The following SUN2 variants were observed in gnomAD, a reference collection of about 807,000 sequenced individuals.
SUN2 encodes the protein SUN domain-containing protein 2.
Under a neutral mutation model 100.0 loss-of-function variants are expected in SUN2, and 60 were observed. That is an observed-to-expected ratio of 0.60 (90% CI 0.49 to 0.74). The LOEUF (loss-of-function observed/expected upper bound fraction) is 0.74, where lower values mean the gene tolerates loss of function less well. Among genes scored for constraint, SUN2 ranks in the 30% least tolerant of loss-of-function variants. SUN2 has a pLI of 0.00. For synonymous variants in SUN2, 367 were observed against 403.3 expected (o/e 0.91, Z 1.08); for missense variants, 834 against 954.6 (o/e 0.87, Z 1.66).
intron 1 of SUN2, 76 bp from the exon 2 acceptor site, chr22:38,752,741 G>T: frequency 6.8e-7 from 1 of 1,476,750 alleles, no homozygotes; most frequent in East Asian, 2.4e-5. Flanking sequence ...AGGTGGGACA[G>T]AGGCATCGCC....
chr22:38,753,210 CTTT>C lies in SUN2; in HGVS notation c.-37-548_-37-546del, dbSNP rs869037443. Among the ~76,000 whole-genome samples the C allele has an allele frequency of 3.5e-5, 3 of 86,250 alleles. No homozygotes were observed. In the East Asian group the frequency reaches 1.1e-3, roughly 31 times the overall value. 56.6% of individuals were successfully genotyped at this position (86,250 alleles called of 152,430 possible). On this transcript the variant is annotated intron_variant, in intron 1 of 17. Coordinates refer to ENST00000689035, the MANE Select transcript of SUN2 (RefSeq NM_015374.3). ...TTCCCATGTAGACCCCACCTATGTT[CTTT>C]TTTTTTTTTTTTTTTTTTTTGAGAT... is the stretch of plus-strand genomic sequence containing the variant.
Position 38,738,545 on chromosome 22 carries a change from C to G in SUN2, c.1947+42G>C, listed in dbSNP as rs143795190. 2.0e-4 allele frequency: 317 copies of G among 1,592,842 alleles called. No homozygotes were observed. In the African/African-American group the frequency reaches 3.5e-3, roughly 18 times the overall value. ...CCTCAGTAGAGAGGCCCACAGGATC[C>G]CCCTGCAGCCCCTCTGGCCCCACCA... On this transcript the variant is annotated intron_variant, in intron 16 of 17. Transcript: ENST00000689035. This position sits in a 1 kb window ranked among gnomAD's most constrained non-coding sequence, Gnocchi z 6.6.
At chr22:38,754,603 TCCCCTC>T in intron 1 of SUN2, 3 of 889,142 alleles carry the variant, frequency 3.4e-6, no homozygotes, top group Non-Finnish European at 4.8e-6. Flanking sequence ...TAAGGTAATC[TCCCCTC>T]CCCCCTCCCT....
rs1283339923 is a variant in SUN2, at chr22:38,737,724, C to T, written c.2040+449G>A. The T allele has an allele frequency of 1.1e-5, 4 of 362,362 alleles. No homozygotes were observed. Among genetic ancestry groups the T allele is most frequent in the Admixed American group, 3.7e-5 (1 of 27,166 alleles). 22.4% of individuals were successfully genotyped at this position (362,362 alleles called of 1,614,324 possible). ...GTCCTGTCAGCCCTAAGGAACCAGA[C>T]TCTCCTGGGGTGGAGACTGGGAATC... On this transcript the variant is annotated intron_variant, in intron 17 of 17. Transcript: ENST00000689035. The surrounding 1 kb of genome is among the most constrained non-coding windows in gnomAD (Gnocchi z 4.1).
Position 38,738,576 on chromosome 22 carries a change from C to T in SUN2, c.1947+11G>A. 1 of 1,611,054 alleles carries T rather than the reference C, an allele frequency of 6.2e-7. No homozygotes were observed. Among genetic ancestry groups the T allele is most frequent in the Non-Finnish European group, 8.5e-7 (1 of 1,177,988 alleles). On this transcript the variant is annotated intron_variant, in intron 16 of 17. Transcript: ENST00000689035. This position sits in a 1 kb window ranked among gnomAD's most constrained non-coding sequence, Gnocchi z 6.6. ...CAGCCCCTCTGGCCCCACCACAGGA[C>T]AGATACTCACAAAGATGGCGAAGTC...
intron 6 of SUN2, 93 bp from the exon 7 acceptor site, chr22:38,748,876 T>G (rs2092923554): frequency 7.6e-7 from 1 of 1,308,498 alleles, no homozygotes; most frequent in African/African-American, 1.5e-5. Flanking sequence ...CTGAGATGTT[T>G]TCCTGGGTGC....
intron 7 of SUN2, among the ~76,000 whole-genome samples, chr22:38,748,481 G>A (rs1000719607): frequency 1.3e-5 from 2 of 152,238 alleles, no homozygotes; most frequent in African/African-American, 2.4e-5. Flanking sequence ...AGGGCATCCC[G>A]CTTTTCACCC....
chr22:38,739,617 C>T lies in SUN2; in HGVS notation c.1578+105G>A. On this transcript the variant is annotated intron_variant, in intron 13 of 17. Coordinates refer to ENST00000689035, the MANE Select transcript of SUN2 (RefSeq NM_015374.3). The surrounding 1 kb of genome is among the most constrained non-coding windows in gnomAD (Gnocchi z 6.7). Reference sequence around the variant, plus strand: ...AGCATGCAAAGCCTCCTGCTTGGCACTTCCATCCTGGAACCTGCCAGGGAG... The same window carrying T: ...AGCATGCAAAGCCTCCTGCTTGGCATTTCCATCCTGGAACCTGCCAGGGAG... 1.4e-6 allele frequency: 2 copies of T among 1,428,322 alleles called. No individual in the cohort carries two copies. The highest frequency in any genetic ancestry group is 1.4e-5 in the African/African-American group (1 of 71,176). 88.5% of individuals were successfully genotyped at this position (1,428,322 alleles called of 1,614,324 possible).
Position 38,737,657 on chromosome 22 carries a change from G to A in SUN2, c.2040+516C>T. The A allele has an allele frequency of 2.9e-6, 1 of 344,350 alleles. No homozygotes were observed. The highest frequency in any genetic ancestry group is 5.7e-6 in the Non-Finnish European group (1 of 174,454). The allele number at this position is 344,350 out of a possible 1,614,324, so 21.3% of individuals were successfully genotyped here. Reference sequence around the variant, plus strand: ...TTCCTCACTCCAGGACTCCCCCGGTGTGGGGCTTAGGCCAATGGTTTGTTC... The same window carrying A: ...TTCCTCACTCCAGGACTCCCCCGGTATGGGGCTTAGGCCAATGGTTTGTTC... On this transcript the variant is annotated intron_variant, in intron 17 of 17. Coordinates refer to ENST00000689035, the MANE Select transcript of SUN2 (RefSeq NM_015374.3). This position sits in a 1 kb window ranked among gnomAD's most constrained non-coding sequence, Gnocchi z 4.1.
chr22:38,737,398 C>A lies in SUN2; in HGVS notation c.2040+775G>T, dbSNP rs949455151. 6.6e-6 allele frequency among the ~76,000 whole-genome samples: 1 copy of A among 152,178 alleles called. No homozygotes were observed. Among genetic ancestry groups the A allele is most frequent in the African/African-American group, 2.4e-5 (1 of 41,432 alleles). ...CTTTGTCCTCACTCCCAACGCCCCT[C>A]TCCCCCACCTATCCTGTTCTGGCTG... is the stretch of plus-strand genomic sequence containing the variant. On this transcript the variant is annotated intron_variant, in intron 17 of 17. Transcript: ENST00000689035. The surrounding 1 kb of genome is among the most constrained non-coding windows in gnomAD (Gnocchi z 4.1).
In SUN2 at chr22:38,752,518, G is replaced by A; in HGVS notation, c.111C>T (p.Asp37=). 1 of 1,613,366 alleles carries A rather than the reference G, an allele frequency of 6.2e-7. No individual in the cohort carries two copies. Among genetic ancestry groups the A allele is most frequent in the South Asian group, 1.1e-5 (1 of 91,028 alleles). ...CCTTGGGTCCCTACCTGAGAGGACT[G>A]TCTTTAAACAGGGTGCTCTGACTCC... ...VAGSQSTLFK[D]SPLRTLKRKS... Residue 37 remains aspartate, a synonymous_variant, in exon 2 of 18, where the codon GAC becomes GAT. Coordinates refer to ENST00000689035, the MANE Select transcript of SUN2 (RefSeq NM_015374.3).
At chr22:38,750,745 G>A (rs2092938817) in intron 4 of SUN2, 153 bp downstream of exon 4, 14 of 1,280,300 alleles carry the variant, frequency 1.1e-5, no homozygotes. Context: ...GCCACCGCAG[G>A]CCAGGCTGGG....
In SUN2 at chr22:38,738,431, C is replaced by T; in HGVS notation, c.1947+156G>A. 1 of 1,167,542 alleles carries T rather than the reference C, an allele frequency of 8.6e-7. No homozygotes were observed. The highest frequency in any genetic ancestry group is 1.4e-5 in the South Asian group (1 of 69,328). 72.3% of individuals were successfully genotyped at this position (1,167,542 alleles called of 1,614,324 possible). On this transcript the variant is annotated intron_variant, in intron 16 of 17. Coordinates refer to ENST00000689035, the MANE Select transcript of SUN2 (RefSeq NM_015374.3). This position sits in a 1 kb window ranked among gnomAD's most constrained non-coding sequence, Gnocchi z 6.6. ...TTTCTGCCTCCAAAGCCTAAGGTAA[C>T]AGGGACTGAAGTGCTGTCTCCCACC...
intron 6 of SUN2, 109 bp from the exon 7 acceptor site, chr22:38,748,892 T>A: frequency 9.0e-7 from 1 of 1,110,490 alleles, no homozygotes; most frequent in Non-Finnish European, 1.4e-6. Flanking sequence ...GGTGCTGAAC[T>A]AGAGCTAAGG....
Position 38,737,674 on chromosome 22 carries a change from G to A in SUN2, c.2040+499C>T, listed in dbSNP as rs1285933984. The A allele has an allele frequency of 8.5e-6, 3 of 352,522 alleles. No individual in the cohort carries two copies. Among genetic ancestry groups the A allele is most frequent in the South Asian group, 4.3e-5 (2 of 46,930 alleles). The allele number at this position is 352,522 out of a possible 1,614,324, so 21.8% of individuals were successfully genotyped here. A position where few individuals can be genotyped will look rare whatever the true frequency, so the allele number is the denominator to read the frequency against. On this transcript the variant is annotated intron_variant, in intron 17 of 17. Transcript: ENST00000689035. This position sits in a 1 kb window ranked among gnomAD's most constrained non-coding sequence, Gnocchi z 4.1. Reference sequence around the variant, plus strand: ...CCCCCGGTGTGGGGCTTAGGCCAATGGTTTGTTCAAATGCAGGCTCCTGGG... The same window carrying A: ...CCCCCGGTGTGGGGCTTAGGCCAATAGTTTGTTCAAATGCAGGCTCCTGGG...
chr22:38,752,596 G>A lies in SUN2; in HGVS notation c.33C>T (p.Tyr11=). 1 of 1,614,006 alleles carries A rather than the reference G, an allele frequency of 6.2e-7. No homozygotes were observed. Among genetic ancestry groups the A allele is most frequent in the Non-Finnish European group, 8.5e-7 (1 of 1,179,986 alleles). Residue 11 remains tyrosine, a synonymous_variant, in exon 2 of 18, where the codon TAC becomes TAT. Coordinates refer to ENST00000689035, the MANE Select transcript of SUN2 (RefSeq NM_015374.3). MSRRSQRLTR[Y]SQGDDDGSSS... Reference sequence around the variant, plus strand: ...TGCTGCCGTCATCGTCACCCTGGGAGTAGCGCGTGAGGCGCTGGCTTCTTC... The same window carrying A: ...TGCTGCCGTCATCGTCACCCTGGGAATAGCGCGTGAGGCGCTGGCTTCTTC...
rs760591672 is a variant in SUN2 at position 38,742,515 on chromosome 22, C to G, written c.854G>C (p.Arg285Pro). 6.2e-7 allele frequency: 1 copy of G among 1,613,090 alleles called. No homozygotes were observed. The highest frequency in any genetic ancestry group is 1.7e-5 in the Admixed American group (1 of 59,998). Residue 285 changes from arginine (R) to proline (P), a missense_variant, in exon 9 of 18, where the codon CGG (arginine) becomes CCG (proline). By Grantham distance (103) the Arg-to-Pro change is moderately radical. Coordinates refer to ENST00000689035, the MANE Select transcript of SUN2 (RefSeq NM_015374.3). Reference protein sequence around the residue: ...RVMSRVHSLERRLEALAAEFS... With the variant: ...RVMSRVHSLEPRLEALAAEFS... ...TTCAGCAGCAAGAGCTTCCAGACGC[C>G]GCTCCAGAGAGTGTACCCGGGACAT...
intron 1 of SUN2, chr22:38,754,628 C>A: frequency 7.9e-7 from 1 of 1,270,260 alleles, no homozygotes; most frequent in African/African-American, 1.5e-5. Context: ...CTGCCCCGCC[C>A]GTACGGTCCC....
chr22:38,741,565 G>T lies in SUN2; in HGVS notation c.1075C>A (p.Leu359Met), dbSNP rs1225276834. 21 of 1,613,936 alleles carry T rather than the reference G, an allele frequency of 1.3e-5. No homozygotes were observed. The highest frequency in any genetic ancestry group is 1.6e-4 in the Middle Eastern group (1 of 6,084). ...RETAARIQEE[L>M]SALRAEHQQD... ...TGATGCTCTGCTCTCAGGGCAGACAGTTCTTCCTGTGAGACGGGAGTGAGA... is the reference window on the plus strand; with the variant it reads ...TGATGCTCTGCTCTCAGGGCAGACATTTCTTCCTGTGAGACGGGAGTGAGA... Residue 359 changes from leucine (L) to methionine (M), a missense_variant, in exon 10 of 18, where the codon CTG (leucine) becomes ATG (methionine). Leu to Met is a conservative substitution (Grantham distance 15). Transcript: ENST00000689035.
Sources: gnomAD v4.1 joint callset for allele counts (sites outside exome capture counted in the v4.1 genomes callset) on GRCh38, gnomAD v4.1.1 for gene constraint, Gnocchi (gnomAD v3.1) non-coding constraint, MANE v1.5 for transcripts, NCBI Gene and HGNC (gene_info 2026-07-23, HGNC 2026-07-21) for gene names.